GALNTL6: variants seen among roughly 807,000 people sequenced by gnomAD.
GALNTL6 encodes the protein polypeptide N-acetylgalactosaminyltransferase-like 6.
A neutral mutation model predicts 73.7 loss-of-function variants in GALNTL6; 46 were observed. The ratio of observed to expected loss-of-function variants is 0.62; its 90% CI spans 0.49 to 0.80. The LOEUF is 0.80. Ranked by LOEUF, GALNTL6 falls within the 30% of genes least tolerant of loss-of-function variation. The pLI is 0.00. For synonymous variants in GALNTL6, 259 were observed against 263.7 expected, an observed-to-expected ratio of 0.98 and a Z score of 0.17; for missense variants, 604 against 755.0, an observed-to-expected ratio of 0.80 and a Z score of 2.34.
At chr4:172,844,169 C>T (rs1030457817) in intron 7 of GALNTL6, among the ~76,000 whole-genome samples, 2 of 152,096 alleles carry the variant, frequency 1.3e-5, no homozygotes, top group Non-Finnish European at 2.9e-5. Context: ...TGGCTCATAC[C>T]GCGTACATTG....
intron 2 of GALNTL6, among the ~76,000 whole-genome samples, chr4:171,869,229 G>A (rs962391045): frequency 1.3e-4 from 20 of 152,238 alleles, no homozygotes; most frequent in African/African-American, 3.9e-4. Flanking sequence ...AGTGATAAAC[G>A]TGTATAGAAA....
intron 5 of GALNTL6, among the ~76,000 whole-genome samples, chr4:172,363,369 T>C (rs1355420720): frequency 6.6e-6 from 1 of 152,158 alleles, no homozygotes; most frequent in African/African-American, 2.4e-5. Context: ...CGCCATTTAC[T>C]GTGTGGCCTT....
At chr4:172,211,842 TTTCA>T (rs1736332965) in intron 2 of GALNTL6, among the ~76,000 whole-genome samples, 2 of 152,204 alleles carry the variant, frequency 1.3e-5, no homozygotes, top group Non-Finnish European at 2.9e-5. Flanking sequence ...CTTAAGCCTC[TTTCA>T]TAAGGGTGCT....
intron 2 of GALNTL6, among the ~76,000 whole-genome samples, chr4:171,923,855 T>C (rs1043087494): frequency 6.7e-6 from 1 of 150,232 alleles, no homozygotes; most frequent in South Asian, 2.1e-4. Flanking sequence ...CTTGTTTTTA[T>C]AAAATTTTCA....
chr4:172,107,584 C>T (rs557730895), intron 2 of GALNTL6, among the ~76,000 whole-genome samples: 5 of 148,828 alleles, frequency 3.4e-5, no homozygotes, highest in Admixed American at 2.7e-4. Context: ...GGACAAAAAA[C>T]CAAACACCGC....
At chr4:172,025,724 T>G (rs902361347) in intron 2 of GALNTL6, among the ~76,000 whole-genome samples, 2 of 152,016 alleles carry the variant, frequency 1.3e-5, no homozygotes, top group Non-Finnish European at 2.9e-5. Context: ...ACCTTTTTAT[T>G]GGGCTTTGGA....
At chr4:172,420,833 CA>C (rs796213297) in intron 5 of GALNTL6, among the ~76,000 whole-genome samples, 25 of 151,264 alleles carry the variant, frequency 1.7e-4, no homozygotes, top group African/African-American at 5.3e-4. Context: ...ACGATGCAGC[CA>C]AAAAAAAGAA....
chr4:171,881,745 T>C (rs986599420), intron 2 of GALNTL6, among the ~76,000 whole-genome samples: 8 of 152,240 alleles, frequency 5.3e-5, no homozygotes, highest in Non-Finnish European at 7.3e-5. Flanking sequence ...AGTTTGATGT[T>C]ACTAAACTTA....
At chr4:172,837,481 G>A (rs1310987869) in intron 7 of GALNTL6, among the ~76,000 whole-genome samples, 1 of 152,086 alleles carries the variant, frequency 6.6e-6, no homozygotes, top group African/African-American at 2.4e-5. Flanking sequence ...ATAAATAAGA[G>A]TCTATAAATA....
At chr4:172,602,762 A>G (rs1738113748) in intron 5 of GALNTL6, among the ~76,000 whole-genome samples, 2 of 152,194 alleles carry the variant, frequency 1.3e-5, no homozygotes, top group African/African-American at 4.8e-5. Context: ...AAATGTATAT[A>G]CACAAATGCT....
intron 1 of GALNTL6, 107 bp downstream of exon 1, chr4:171,814,097 G>C (rs748572120): frequency 2.5e-5 from 4 of 159,576 alleles, no homozygotes; most frequent in African/African-American, 7.2e-5. Context: ...CACTTGAAGG[G>C]GTTGAGCCAG....
intron 5 of GALNTL6, among the ~76,000 whole-genome samples, chr4:172,538,597 T>C (rs1735437474): frequency 6.6e-6 from 1 of 152,170 alleles, no homozygotes; most frequent in South Asian, 2.1e-4. Flanking sequence ...TTTAGAAATA[T>C]CAGTGAAATA....
At chr4:171,870,725 T>A (rs1000612867) in intron 2 of GALNTL6, among the ~76,000 whole-genome samples, 1 of 152,068 alleles carries the variant, frequency 6.6e-6, no homozygotes, top group East Asian at 1.9e-4. Context: ...GTAAGACTGG[T>A]GTCCTTATAA....
At chr4:171,897,460 G>A (rs770638805) in intron 2 of GALNTL6, among the ~76,000 whole-genome samples, 8 of 151,974 alleles carry the variant, frequency 5.3e-5, no homozygotes, top group Non-Finnish European at 8.8e-5. Flanking sequence ...CACAACAGAG[G>A]GAAAGAAATG....
chr4:172,583,154 A>T (rs1475516718), intron 5 of GALNTL6, among the ~76,000 whole-genome samples: 1 of 152,080 alleles, frequency 6.6e-6, no homozygotes, highest in Non-Finnish European at 1.5e-5. Context: ...ACACACACAA[A>T]CACACTCACA....
intron 2 of GALNTL6, among the ~76,000 whole-genome samples, chr4:172,207,528 T>C (rs1736177096): frequency 2.0e-5 from 3 of 152,074 alleles, no homozygotes; most frequent in Non-Finnish European, 4.4e-5. Flanking sequence ...TCCTGAAGAG[T>C]TTAAATAAAT....
intron 8 of GALNTL6, among the ~76,000 whole-genome samples, chr4:172,899,578 C>G (rs141825057): frequency 6.6e-6 from 1 of 152,080 alleles, no homozygotes; most frequent in Middle Eastern, 3.2e-3. Context: ...CATCTACTAC[C>G]TTTACTTGGT....
chr4:172,442,562 T>G (rs1379935327), intron 5 of GALNTL6, among the ~76,000 whole-genome samples: 1 of 152,186 alleles, frequency 6.6e-6, no homozygotes, highest in Non-Finnish European at 1.5e-5. Context: ...GATTTCTTAG[T>G]CTTGTAGCCT....
chr4:172,389,964 A>G (rs1388422574), intron 5 of GALNTL6, among the ~76,000 whole-genome samples: 2 of 151,936 alleles, frequency 1.3e-5, no homozygotes, highest in Non-Finnish European at 2.9e-5. Flanking sequence ...TTTGAATTTA[A>G]TTTAGCGACA....
Sources: gnomAD v4.1 joint callset for allele counts (sites outside exome capture counted in the v4.1 genomes callset) on GRCh38, gnomAD v4.1.1 for gene constraint, MANE v1.5 for transcripts, NCBI Gene and HGNC (gene_info 2026-07-23, HGNC 2026-07-21) for gene names.